The following FAM78B variants were observed in gnomAD, a reference collection of about 807,000 sequenced individuals.
FAM78B encodes protein FAM78B.
In FAM78B, 10 loss-of-function variants were observed where a neutral mutation model predicts 20.0. The observed-to-expected ratio is 0.50, with a 90% confidence interval of 0.31 to 0.85. The LOEUF (loss-of-function observed/expected upper bound fraction) is 0.85. Ranked by LOEUF, FAM78B falls within the 40% of genes least tolerant of loss-of-function variation. FAM78B has a pLI of 0.05. For missense variants in FAM78B, 283 were observed against 345.0 expected, an observed-to-expected ratio of 0.82 and a Z score of 1.42; for synonymous variants, 135 against 132.8, an observed-to-expected ratio of 1.02 and a Z score of -0.12.
chr1:166,070,283 C>T lies in FAM78B; in HGVS notation c.744G>A (p.Arg248=). The change falls in exon 2 of 2, where the codon AGG becomes AGA. Residue 248 remains arginine, a synonymous_variant. Transcript: ENST00000354422. ...CAACCAGAGGTGGCCCCCGCTTGGG[C>T]CTCCACATGAGGACCTGGGCATCAT... is the stretch of plus-strand genomic sequence containing the variant. ...NANDAQVLMW[R]PKRGPPLVVI... 1 of 1,563,528 alleles carries T rather than the reference C, an allele frequency of 6.4e-7. No homozygotes were observed. Among genetic ancestry groups the T allele is most frequent in the Non-Finnish European group, 8.7e-7 (1 of 1,153,362 alleles).
intron 1 of FAM78B, among the ~76,000 whole-genome samples, chr1:166,095,293 G>A (rs932262024): frequency 1.8e-4 from 27 of 152,118 alleles, no homozygotes; most frequent in East Asian, 1.4e-3. Context: ...AAGAGCAGCC[G>A]GAGTGCAGGT....
chr1:166,092,504 G>T (rs866474883), intron 1 of FAM78B, among the ~76,000 whole-genome samples: 1 of 152,150 alleles, frequency 6.6e-6, no homozygotes, highest in African/African-American at 2.4e-5. Context: ...TGTGGATTCA[G>T]TTTTGGTTCT....
At chr1:166,127,312 T>C (rs941742666) in intron 1 of FAM78B, among the ~76,000 whole-genome samples, 144 of 152,328 alleles carry the variant, frequency 9.5e-4, no homozygotes, top group Non-Finnish European at 2.2e-4. Flanking sequence ...TGCATATATA[T>C]TGGCTGCCTC....
chr1:166,105,014 C>T (rs1653710907), intron 1 of FAM78B, among the ~76,000 whole-genome samples: 1 of 152,112 alleles, frequency 6.6e-6, no homozygotes, highest in South Asian at 2.1e-4. Flanking sequence ...GACATATAGA[C>T]CAATGGAACA....
At chr1:166,133,465 A>G (rs1447853654) in intron 1 of FAM78B, among the ~76,000 whole-genome samples, 3 of 152,222 alleles carry the variant, frequency 2.0e-5, no homozygotes, top group African/African-American at 7.2e-5. Flanking sequence ...CAGCGATATG[A>G]AACAAAACAC....
At chr1:166,133,073 G>A (rs1397418534) in intron 1 of FAM78B, among the ~76,000 whole-genome samples, 2 of 152,212 alleles carry the variant, frequency 1.3e-5, no homozygotes, top group African/African-American at 4.8e-5. Context: ...TCATTAAACT[G>A]GTAGGATCTT....
intron 1 of FAM78B, among the ~76,000 whole-genome samples, chr1:166,076,265 C>T (rs999721493): frequency 6.6e-6 from 1 of 152,116 alleles, no homozygotes; most frequent in African/African-American, 2.4e-5. Flanking sequence ...TGATCCGGTT[C>T]CCTATTTCCT....
At chr1:166,162,727 A>G (rs1656195709) in intron 1 of FAM78B, among the ~76,000 whole-genome samples, 1 of 152,162 alleles carries the variant, frequency 6.6e-6, no homozygotes, top group African/African-American at 2.4e-5. Flanking sequence ...TTTCCAGACT[A>G]TGTTATTCTG....
intron 1 of FAM78B, among the ~76,000 whole-genome samples, chr1:166,162,524 A>C (rs1250732584): frequency 6.6e-6 from 1 of 152,232 alleles, no homozygotes; most frequent in Non-Finnish European, 1.5e-5. Flanking sequence ...ACCCTGGCAC[A>C]AGAGCCCCAT....
intron 1 of FAM78B, among the ~76,000 whole-genome samples, chr1:166,121,198 G>T (rs1006396741): frequency 6.6e-6 from 1 of 152,144 alleles, no homozygotes; most frequent in Non-Finnish European, 1.5e-5. Context: ...AACACACATC[G>T]GTGTGGACAC....
At position 166,166,609 on chromosome 1, in the gene FAM78B, C is replaced by A; in HGVS notation, c.-361G>T. ...CCACCCCGGGCCGGAGCCCCCCGCCCCTCGCCGGAGAGGAGGAGGCGGCAG... is the reference window on the plus strand; with the variant it reads ...CCACCCCGGGCCGGAGCCCCCCGCCACTCGCCGGAGAGGAGGAGGCGGCAG... On this transcript the variant is annotated 5_prime_UTR_variant, in exon 1 of 2. Transcript: ENST00000354422. The A allele has an allele frequency of 6.6e-6, 1 of 150,984 alleles. No homozygotes were observed. Among genetic ancestry groups the A allele is most frequent in the South Asian group, 2.0e-4 (1 of 5,054 alleles). 9.4% of individuals were successfully genotyped at this position (150,984 alleles called of 1,614,324 possible). A position where few individuals can be genotyped will look rare whatever the true frequency, so the allele number is the denominator to read the frequency against.
Position 166,125,832 on chromosome 1 carries a change from A to ATTTT in FAM78B, c.263+40150_263+40153dup, listed in dbSNP as rs34168180. On this transcript the variant is annotated intron_variant, in intron 1 of 1. Transcript: ENST00000354422. Reference sequence around the variant, plus strand: ...TGTTATTATTGTATTGCTACTTTGAATTTTTTTTTTTTTTTTTTGAGACTG... The same window carrying ATTTT: ...TGTTATTATTGTATTGCTACTTTGAATTTTTTTTTTTTTTTTTTTTTTGAGACTG... Among the ~76,000 whole-genome samples, 55 of 128,786 alleles carry ATTTT rather than the reference A, an allele frequency of 4.3e-4. 2 individuals are homozygous for ATTTT. The highest frequency in any genetic ancestry group is 5.4e-4 in the Non-Finnish European group (35 of 64,242). The allele number at this position is 128,786 out of a possible 152,430, so 84.5% of individuals were successfully genotyped here. A position where few individuals can be genotyped will look rare whatever the true frequency, so the allele number is the denominator to read the frequency against.
intron 1 of FAM78B, among the ~76,000 whole-genome samples, chr1:166,141,526 C>T (rs1655276489): frequency 6.6e-6 from 1 of 152,234 alleles, no homozygotes; most frequent in South Asian, 2.1e-4. Flanking sequence ...TGAGTGTTTA[C>T]TATGTGCCGG....
At chr1:166,121,934 C>T (rs1654478486) in intron 1 of FAM78B, among the ~76,000 whole-genome samples, 1 of 152,324 alleles carries the variant, frequency 6.6e-6, no homozygotes, top group East Asian at 1.9e-4. Flanking sequence ...TCCCACAGCT[C>T]AGCCCTGAAG....
At chr1:166,083,249 T>C (rs1455707339) in intron 1 of FAM78B, among the ~76,000 whole-genome samples, 2 of 152,202 alleles carry the variant, frequency 1.3e-5, no homozygotes, top group Non-Finnish European at 2.9e-5. Flanking sequence ...GTGAATATTC[T>C]CATTAAAAAA....
rs1553219518 is a variant in FAM78B, at chr1:166,109,900, A to ATG, written c.264-39138_264-39137insCA. Among the ~76,000 whole-genome samples the ATG allele has an allele frequency of 7.6e-4, 78 of 102,728 alleles. 12 individuals carry two copies. Among genetic ancestry groups the ATG allele is most frequent in the African/African-American group, 1.7e-3 (52 of 30,952 alleles). 67.4% of individuals were successfully genotyped at this position (102,728 alleles called of 152,430 possible). The stretch of plus-strand genomic sequence containing the variant: ...TATATATGTATATATGTATATATAT[A>ATG]TATATATATATATATATATAATGGA... On this transcript the variant is annotated intron_variant, in intron 1 of 1. Coordinates refer to ENST00000354422, the MANE Select transcript of FAM78B (RefSeq NM_001017961.5).
At position 166,119,609 on chromosome 1, in the gene FAM78B, C is replaced by T. The variant is rs552596849; in HGVS notation, c.263+46377G>A. Among the ~76,000 whole-genome samples the T allele has an allele frequency of 5.9e-5, 9 of 152,278 alleles. No individual in the cohort carries two copies. In the East Asian group the frequency reaches 1.7e-3, roughly 29 times the overall value. On this transcript the variant is annotated intron_variant, in intron 1 of 1. Transcript: ENST00000354422. ...CTTTAACCCTTCTTCCAGCTGCCTC[C>T]CTAAGAGAGCTGTTTTCCTCCTCTT... is the stretch of plus-strand genomic sequence containing the variant.
At chr1:166,067,971 A>G (rs1651863102), downstream of FAM78B, among the ~76,000 whole-genome samples, 1 of 152,234 alleles carries the variant, frequency 6.6e-6, no homozygotes, top group African/African-American at 2.4e-5. Flanking sequence ...TAAGCTTCTG[A>G]AAAAGTTATT....
chr1:166,149,929 T>C (rs908393035), intron 1 of FAM78B, among the ~76,000 whole-genome samples: 1 of 152,160 alleles, frequency 6.6e-6, no homozygotes, highest in Non-Finnish European at 1.5e-5. Flanking sequence ...CCTCTGCTGG[T>C]CCTTCCTAGA....
Sources: gnomAD v4.1 joint callset for allele counts (sites outside exome capture counted in the v4.1 genomes callset) on GRCh38, gnomAD v4.1.1 for gene constraint, MANE v1.5 for transcripts, NCBI Gene and HGNC (gene_info 2026-07-23, HGNC 2026-07-21) for gene names.